COP1: variants seen among roughly 807,000 people sequenced by gnomAD.
COP1 encodes the protein COP1 E3 ubiquitin ligase, also known as E3 ubiquitin-protein ligase COP1.
Under a neutral mutation model 101.3 loss-of-function variants are expected in COP1, and 24 were observed. The observed-to-expected ratio is 0.24, with a 90% confidence interval of 0.17 to 0.33. The LOEUF is 0.33. COP1 is among the 10% of genes least tolerant of loss of function. The pLI is 1.00. For synonymous variants in COP1, 347 were observed against 341.9 expected (o/e 1.01, Z -0.17); for missense variants, 663 against 906.2 (o/e 0.73, Z 3.45).
At chr1:176,132,197 A>G (rs1688993219) in intron 8 of COP1, among the ~76,000 whole-genome samples, 1 of 151,692 alleles carries the variant, frequency 6.6e-6, no homozygotes, top group East Asian at 1.9e-4. Context: ...TCCTCCACAC[A>G]GGGATCCAAG....
At chr1:176,007,176 C>T (rs1231749878) in intron 15 of COP1, among the ~76,000 whole-genome samples, 5 of 152,014 alleles carry the variant, frequency 3.3e-5, no homozygotes, top group South Asian at 4.1e-4. Flanking sequence ...AGTTCTCGAG[C>T]CTTGGTTTTC....
At chr1:176,028,742 ATTC>A (rs1466864708) in intron 14 of COP1, among the ~76,000 whole-genome samples, 1 of 58,706 alleles carries the variant, frequency 1.7e-5, no homozygotes, top group African/African-American at 5.8e-5. Flanking sequence ...TATATATATT[ATTC>A]TTTTTATTAT....
rs146031945 is a variant in COP1, at chr1:176,130,518, C to T, written c.968+4492G>A. Among the ~76,000 whole-genome samples the T allele has an allele frequency of 2.6e-3, 400 of 151,826 alleles. 3 individuals are homozygous for T. Among genetic ancestry groups the T allele is most frequent in the African/African-American group, 9.2e-3 (382 of 41,512 alleles). On this transcript the variant is annotated intron_variant, in intron 8 of 19. Transcript: ENST00000367669. ...TGGTTTGATTAATTCTACGGAAAGT[C>T]TGAAATGGATGAAAGCTTAAAAGGT...
At chr1:175,958,808 G>A (rs999939830) in intron 18 of COP1, among the ~76,000 whole-genome samples, 2 of 151,928 alleles carry the variant, frequency 1.3e-5, no homozygotes, top group African/African-American at 2.4e-5. Flanking sequence ...TCATCCTACA[G>A]GTATTAAATT....
rs569111338 is a variant in COP1, at chr1:176,139,801, T to C, written c.832-3254A>G. Among the ~76,000 whole-genome samples, 145 of 152,226 alleles carry C rather than the reference T, an allele frequency of 9.5e-4. 1 individual carries two copies. The highest frequency in any genetic ancestry group is 3.1e-3 in the African/African-American group (129 of 41,542). On this transcript the variant is annotated intron_variant, in intron 6 of 19. Coordinates refer to ENST00000367669, the MANE Select transcript of COP1 (RefSeq NM_022457.7). ...GGTTACAACAGACACAGGGAACTAC[T>C]GGGGTGGGGGAAGGAAGAAAGGGTT...
chr1:175,958,744 A>C (rs1172164641), intron 18 of COP1, among the ~76,000 whole-genome samples: 1 of 152,038 alleles, frequency 6.6e-6, no homozygotes, highest in African/African-American at 2.4e-5. Context: ...AGCCAAGTGG[A>C]AAAATTCCTA....
chr1:176,184,420 G>A (rs1698194799), intron 2 of COP1, among the ~76,000 whole-genome samples: 1 of 152,036 alleles, frequency 6.6e-6, no homozygotes, highest in East Asian at 1.9e-4. Context: ...CCATCAGTAA[G>A]GCCTATTCTA....
At chr1:176,191,984 C>T (rs540561778) in intron 1 of COP1, among the ~76,000 whole-genome samples, 2 of 152,128 alleles carry the variant, frequency 1.3e-5, no homozygotes, top group East Asian at 3.9e-4. Flanking sequence ...TATGTGCTAG[C>T]TTCAGGGTCA....
chr1:176,157,980 G>A (rs898673917), intron 5 of COP1, among the ~76,000 whole-genome samples: 2 of 152,022 alleles, frequency 1.3e-5, no homozygotes, highest in African/African-American at 4.8e-5. Flanking sequence ...AAGTGGAAGA[G>A]GGGACATAAA....
chr1:176,202,412 C>T (rs1241885669), intron 1 of COP1, among the ~76,000 whole-genome samples: 2 of 151,990 alleles, frequency 1.3e-5, no homozygotes, highest in Non-Finnish European at 2.9e-5. Context: ...TGGTCTCAAA[C>T]TCCTGGGTTC....
chr1:176,175,865 G>C, intron 3 of COP1, 45 bp downstream of exon 3: 2 of 1,116,912 alleles, frequency 1.8e-6, no homozygotes, highest in Non-Finnish European at 2.7e-6. Context: ...ACACAATTTT[G>C]GGGATCGAAA....
intron 9 of COP1, among the ~76,000 whole-genome samples, chr1:176,111,139 G>A (rs753787053): frequency 9.2e-5 from 14 of 152,138 alleles, no homozygotes; most frequent in South Asian, 6.2e-4. Context: ...ACAACAGAGC[G>A]AGACCTTGTC....
At chr1:176,028,696 CATAT>C (rs369887649) in intron 14 of COP1, among the ~76,000 whole-genome samples, 1,104 of 47,902 alleles carry the variant, frequency 0.023, 57 homozygotes, top group Admixed American at 0.072. Context: ...ATATTTGTTT[CATAT>C]ATATATATAT....
chr1:175,955,388 A>T (rs955292939), intron 18 of COP1, among the ~76,000 whole-genome samples: 1 of 152,198 alleles, frequency 6.6e-6, no homozygotes, highest in Non-Finnish European at 1.5e-5. Flanking sequence ...CTAACATCAT[A>T]CTTAGTGGTG....
At chr1:176,202,184 ACT>A (rs1491407698) in intron 1 of COP1, among the ~76,000 whole-genome samples, 3 of 120,850 alleles carry the variant, frequency 2.5e-5, no homozygotes, top group Non-Finnish European at 5.2e-5. Context: ...GTTCTAGTTC[ACT>A]TTTTTTTTTT....
chr1:176,195,601 TATC>T (rs1029874170), intron 1 of COP1, among the ~76,000 whole-genome samples: 12 of 152,296 alleles, frequency 7.9e-5, no homozygotes, highest in African/African-American at 2.6e-4. Flanking sequence ...AAAGGACTAA[TATC>T]ATACAAACTA....
At chr1:176,046,946 TTAAATAAA>T (rs563721692) in intron 11 of COP1, among the ~76,000 whole-genome samples, 5 of 151,748 alleles carry the variant, frequency 3.3e-5, no homozygotes, top group African/African-American at 7.2e-5. Context: ...ACAAAAGAGG[TTAAATAAA>T]TAAATAAATA....
intron 9 of COP1, among the ~76,000 whole-genome samples, chr1:176,094,312 T>C (rs964953881): frequency 2.0e-5 from 3 of 151,964 alleles, no homozygotes; most frequent in Non-Finnish European, 4.4e-5. Flanking sequence ...TGCCTTATAA[T>C]TGTTGGTAAA....
intron 8 of COP1, among the ~76,000 whole-genome samples, chr1:176,131,264 TA>T (rs1688843748): frequency 6.6e-6 from 1 of 151,722 alleles, no homozygotes; most frequent in South Asian, 2.1e-4. Context: ...CATAAAAGGA[TA>T]GGTTAAAAGA....
Sources: gnomAD v4.1 joint callset for allele counts (sites outside exome capture counted in the v4.1 genomes callset) on GRCh38, gnomAD v4.1.1 for gene constraint, MANE v1.5 for transcripts, NCBI Gene and HGNC (gene_info 2026-07-23, HGNC 2026-07-21) for gene names.